CDH4: variants seen among roughly 807,000 people sequenced by gnomAD.
The protein encoded by CDH4 is cadherin-4.
A neutral mutation model predicts 86.0 loss-of-function variants in CDH4; 33 were observed. The observed-to-expected ratio is 0.38, with a 90% CI of 0.29 to 0.51. The LOEUF (loss-of-function observed/expected upper bound fraction) is 0.51, where lower values mean the gene tolerates loss of function less well. CDH4 is among the 20% of genes least tolerant of loss of function. The pLI, the probability that CDH4 is intolerant of heterozygous loss-of-function variation, is 0.86. For missense variants in CDH4, 1,114 were observed against 1,307.4 expected, an observed-to-expected ratio of 0.85 and a Z score of 2.28; for synonymous variants, 555 against 549.4, an observed-to-expected ratio of 1.01 and a Z score of -0.14.
intron 3 of CDH4, among the ~76,000 whole-genome samples, chr20:61,759,214 C>T (rs1413310788): frequency 6.6e-6 from 1 of 152,146 alleles, no homozygotes; most frequent in East Asian, 1.9e-4. Flanking sequence ...CTTCTCAGAC[C>T]AATACGTTTG....
intron 7 of CDH4, among the ~76,000 whole-genome samples, chr20:61,881,781 G>A (rs1402911622): frequency 6.6e-6 from 1 of 152,232 alleles, no homozygotes; most frequent in Non-Finnish European, 1.5e-5. Flanking sequence ...ATCAGCATCT[G>A]GACTGGGTTT....
At chr20:61,808,690 G>A (rs1306161479) in intron 4 of CDH4, among the ~76,000 whole-genome samples, 2 of 152,232 alleles carry the variant, frequency 1.3e-5, no homozygotes, top group Non-Finnish European at 2.9e-5. Flanking sequence ...GCCTGCAACT[G>A]CCTTTCCAGT....
intron 2 of CDH4, among the ~76,000 whole-genome samples, chr20:61,540,221 A>G (rs2086029907): frequency 6.6e-6 from 1 of 152,154 alleles, no homozygotes; most frequent in South Asian, 2.1e-4. Context: ...CAATTTTAGA[A>G]ACTGCCGTTA....
At chr20:61,929,903 G>A in intron 13 of CDH4, 61 bp downstream of exon 13, 8 of 1,338,670 alleles carry the variant, frequency 6.0e-6, no homozygotes, top group Non-Finnish European at 8.5e-6. Flanking sequence ...CCCTGTCCCA[G>A]GCATGGTGGG....
chr20:61,734,078 A>T (rs2088230581), intron 2 of CDH4, among the ~76,000 whole-genome samples: 1 of 152,272 alleles, frequency 6.6e-6, no homozygotes, highest in Non-Finnish European at 1.5e-5. Flanking sequence ...GTTAACCCGG[A>T]AGCCTCCTAA....
intron 2 of CDH4, among the ~76,000 whole-genome samples, chr20:61,458,794 G>T (rs2085424768): frequency 6.6e-6 from 1 of 152,072 alleles, no homozygotes; most frequent in South Asian, 2.1e-4. Context: ...TGGGACAGTA[G>T]TGGTGGTGGC....
intron 3 of CDH4, among the ~76,000 whole-genome samples, chr20:61,756,485 G>A (rs2088566280): frequency 6.6e-6 from 1 of 151,760 alleles, no homozygotes; most frequent in Non-Finnish European, 1.5e-5. Flanking sequence ...TACTCACATG[G>A]TCCATATCCC....
intron 2 of CDH4, among the ~76,000 whole-genome samples, chr20:61,420,473 A>G (rs1420152804): frequency 6.6e-6 from 1 of 152,222 alleles, no homozygotes; most frequent in Non-Finnish European, 1.5e-5. Flanking sequence ...TCTCACCACA[A>G]TTTCTATTGA....
At chr20:61,880,716 G>A (rs1446059835) in intron 7 of CDH4, among the ~76,000 whole-genome samples, 1 of 152,230 alleles carries the variant, frequency 6.6e-6, no homozygotes, top group Non-Finnish European at 1.5e-5. Flanking sequence ...TGCAGAGAGA[G>A]GGTCGAGGTT....
chr20:61,921,485 C>T (rs2054982584), intron 9 of CDH4, among the ~76,000 whole-genome samples: 1 of 152,252 alleles, frequency 6.6e-6, no homozygotes, highest in Non-Finnish European at 1.5e-5. Context: ...GGTGCAGTGG[C>T]CCACGCCTGT....
intron 4 of CDH4, among the ~76,000 whole-genome samples, chr20:61,784,499 G>A (rs78563382): frequency 6.7e-5 from 6 of 89,518 alleles, no homozygotes; most frequent in African/African-American, 9.6e-5. Context: ...TGTGCCCCCA[G>A]GAGAATGTAA....
chr20:61,641,295 C>T (rs2087006299), intron 2 of CDH4, among the ~76,000 whole-genome samples: 1 of 152,104 alleles, frequency 6.6e-6, no homozygotes, highest in African/African-American at 2.4e-5. Context: ...GAAGGTTGGC[C>T]CTTTTCATCC....
chr20:61,361,898 C>G (rs1180662593), intron 2 of CDH4, among the ~76,000 whole-genome samples: 1 of 152,220 alleles, frequency 6.6e-6, no homozygotes, highest in Non-Finnish European at 1.5e-5. Context: ...AGCTTCCTCT[C>G]ATGCCCCAGG....
chr20:61,932,506 TACACATGG>T (rs1436984090), intron 13 of CDH4, among the ~76,000 whole-genome samples: 1 of 151,812 alleles, frequency 6.6e-6, no homozygotes, highest in Non-Finnish European at 1.5e-5. Context: ...ACACACGAAG[TACACATGG>T]ACACATGCAC....
At chr20:61,910,358 G>T in intron 8 of CDH4, 64 bp from the exon 9 acceptor site, 1 of 1,423,050 alleles carries the variant, frequency 7.0e-7, no homozygotes, top group Non-Finnish European at 9.9e-7. Flanking sequence ...TATGCTACGT[G>T]CACTTCTCTG....
At chr20:61,318,149 T>C (rs2084487730) in intron 2 of CDH4, among the ~76,000 whole-genome samples, 1 of 152,102 alleles carries the variant, frequency 6.6e-6, no homozygotes, top group Non-Finnish European at 1.5e-5. Context: ...GGTGGCAGGA[T>C]GTGTGAAAGG....
chr20:61,871,522 C>G (rs1348456759), intron 6 of CDH4, among the ~76,000 whole-genome samples: 2 of 152,238 alleles, frequency 1.3e-5, no homozygotes, highest in African/African-American at 2.4e-5. Flanking sequence ...TGTGTTAGGA[C>G]TGTTTCTTCC....
intron 2 of CDH4, among the ~76,000 whole-genome samples, chr20:61,360,184 C>T (rs1433688353): frequency 6.6e-6 from 1 of 152,218 alleles, no homozygotes; most frequent in South Asian, 2.1e-4. Flanking sequence ...GCCAGAGAAA[C>T]TGAACTATGT....
At chr20:61,445,910 G>A (rs1283102186) in intron 2 of CDH4, among the ~76,000 whole-genome samples, 2 of 152,232 alleles carry the variant, frequency 1.3e-5, no homozygotes, top group Non-Finnish European at 2.9e-5. Context: ...CTGTGGGCCA[G>A]TGCCTGGCGT....
Sources: gnomAD v4.1 joint callset for allele counts (sites outside exome capture counted in the v4.1 genomes callset) on GRCh38, gnomAD v4.1.1 for gene constraint, MANE v1.5 for transcripts, NCBI Gene and HGNC (gene_info 2026-07-23, HGNC 2026-07-21) for gene names.